The following PAK5 variants were observed in gnomAD, a reference collection of about 807,000 sequenced individuals.
PAK5 encodes the protein serine/threonine-protein kinase PAK 5.
A neutral mutation model predicts 65.9 loss-of-function variants in PAK5; 16 were observed. That is an observed-to-expected ratio of 0.24 (90% CI 0.16 to 0.37). The LOEUF is 0.37. Ranked by LOEUF, PAK5 falls within the 10% of genes least tolerant of loss-of-function variation. The probability of loss-of-function intolerance (pLI) is 1.00; values close to 1 mark genes in which losing one functional copy is unlikely to be tolerated. For missense variants in PAK5, 785 were observed against 903.9 expected, an observed-to-expected ratio of 0.87 and a Z score of 1.69; for synonymous variants, 371 against 354.9, an observed-to-expected ratio of 1.05 and a Z score of -0.51.
At chr20:9,725,461 GA>G (rs751855397) in intron 1 of PAK5, among the ~76,000 whole-genome samples, 2 of 152,016 alleles carry the variant, frequency 1.3e-5, no homozygotes, top group Admixed American at 6.6e-5. Flanking sequence ...AATGGAACAT[GA>G]AAAAACAATT....
chr20:9,765,892 A>G (rs1288388403), intron 1 of PAK5, among the ~76,000 whole-genome samples: 1 of 152,110 alleles, frequency 6.6e-6, no homozygotes, highest in Non-Finnish European at 1.5e-5. Context: ...CTGCAGCACT[A>G]CTCATAACCC....
intron 1 of PAK5, among the ~76,000 whole-genome samples, chr20:9,758,083 T>C (rs1455263025): frequency 2.0e-5 from 3 of 152,210 alleles, no homozygotes; most frequent in Non-Finnish European, 2.9e-5. Flanking sequence ...CTTATTTGGA[T>C]TGCAAGCTTT....
intron 4 of PAK5, 35 bp downstream of exon 4, chr20:9,580,110 T>G (rs1319068048): frequency 6.4e-7 from 1 of 1,556,596 alleles, no homozygotes; most frequent in South Asian, 1.2e-5. Flanking sequence ...TGGAGGTTTT[T>G]GCACACGTGA....
chr20:9,539,716 C>G (rs559074178), intron 9 of PAK5, 99 bp from the exon 10 acceptor site: 274 of 926,268 alleles, frequency 3.0e-4, no homozygotes, highest in Middle Eastern at 6.9e-4. Flanking sequence ...ACTTCAAATT[C>G]CAGAAAGTTA....
intron 3 of PAK5, among the ~76,000 whole-genome samples, chr20:9,628,206 A>G (rs2046873791): frequency 6.6e-6 from 1 of 152,200 alleles, no homozygotes; most frequent in African/African-American, 2.4e-5. Context: ...CTCCAGCCCT[A>G]TGAGGTAGTA....
At chr20:9,574,918 C>G (rs977299148) in intron 4 of PAK5, among the ~76,000 whole-genome samples, 1 of 152,190 alleles carries the variant, frequency 6.6e-6, no homozygotes, top group Non-Finnish European at 1.5e-5. Flanking sequence ...ACCCATTAAA[C>G]CCTGAATGGA....
At chr20:9,832,100 C>T (rs1013713462) in intron 1 of PAK5, among the ~76,000 whole-genome samples, 13 of 151,646 alleles carry the variant, frequency 8.6e-5, no homozygotes, top group African/African-American at 3.2e-4. Flanking sequence ...ATACCTTTAC[C>T]AAGCTCCCAA....
intron 2 of PAK5, among the ~76,000 whole-genome samples, chr20:9,698,282 G>C (rs1205585224): frequency 1.3e-5 from 2 of 152,050 alleles, no homozygotes; most frequent in African/African-American, 4.8e-5. Context: ...AAGTAGTTCA[G>C]GGTGGTAGAT....
chr20:9,634,512 C>T (rs777671404), intron 3 of PAK5, among the ~76,000 whole-genome samples: 7 of 152,092 alleles, frequency 4.6e-5, no homozygotes, highest in Non-Finnish European at 1.0e-4. Context: ...AAAGTTGGTT[C>T]TTATTAGTGG....
chr20:9,544,099 G>A (rs528480843), intron 8 of PAK5, among the ~76,000 whole-genome samples: 1 of 152,268 alleles, frequency 6.6e-6, no homozygotes, highest in East Asian at 1.9e-4. Flanking sequence ...TACTGAGAGT[G>A]GGATCAGAGT....
intron 2 of PAK5, among the ~76,000 whole-genome samples, chr20:9,674,114 C>G (rs1201752388): frequency 6.6e-6 from 1 of 152,142 alleles, no homozygotes; most frequent in Non-Finnish European, 1.5e-5. Context: ...AGAAAAGCCC[C>G]AAAAGCCAGG....
chr20:9,793,128 C>T (rs566365069), intron 1 of PAK5, among the ~76,000 whole-genome samples: 6 of 152,210 alleles, frequency 3.9e-5, no homozygotes, highest in African/African-American at 1.4e-4. Flanking sequence ...ACTGGTCACT[C>T]CCTCTACCTC....
intron 1 of PAK5, among the ~76,000 whole-genome samples, chr20:9,837,854 T>C (rs1432408757): frequency 1.3e-5 from 2 of 152,222 alleles, no homozygotes; most frequent in Non-Finnish European, 2.9e-5. Context: ...CCAACTTTTC[T>C]TTTTGTTTAT....
intron 7 of PAK5, among the ~76,000 whole-genome samples, chr20:9,547,175 G>A (rs967995845): frequency 6.6e-6 from 1 of 152,138 alleles, no homozygotes; most frequent in African/African-American, 2.4e-5. Flanking sequence ...AAGCAACACT[G>A]AGGATTGCCA....
At chr20:9,815,616 T>C (rs2049347898) in intron 1 of PAK5, among the ~76,000 whole-genome samples, 1 of 152,124 alleles carries the variant, frequency 6.6e-6, no homozygotes, top group Non-Finnish European at 1.5e-5. Context: ...ATTCTCTGTG[T>C]TCTGAATTTT....
chr20:9,654,498 C>G (rs531094233), intron 2 of PAK5, among the ~76,000 whole-genome samples: 7 of 152,336 alleles, frequency 4.6e-5, no homozygotes, highest in Non-Finnish European at 8.8e-5. Flanking sequence ...TCATTTCTCT[C>G]TCAGGCTACT....
At chr20:9,756,774 G>A (rs1047465886) in intron 1 of PAK5, among the ~76,000 whole-genome samples, 1 of 151,930 alleles carries the variant, frequency 6.6e-6, no homozygotes, top group Non-Finnish European at 1.5e-5. Context: ...TTTGGACAGT[G>A]CTGAACTAAG....
chr20:9,797,498 G>C (rs2049117958), intron 1 of PAK5, among the ~76,000 whole-genome samples: 1 of 132,730 alleles, frequency 7.5e-6, no homozygotes, highest in Non-Finnish European at 1.6e-5. Context: ...GCCTGTTGTG[G>C]GGTGGGGGGA....
At position 9,590,619 on chromosome 20, in the gene PAK5, C is replaced by CAAA. The variant is rs71184146; in HGVS notation, c.205-9692_205-9690dup. 4.7e-4 allele frequency among the ~76,000 whole-genome samples: 61 copies of CAAA among 130,336 alleles called. 1 individual carries two copies. Among genetic ancestry groups the CAAA allele is most frequent in the African/African-American group, 1.4e-3 (55 of 39,010 alleles). 85.5% of individuals were successfully genotyped at this position (130,336 alleles called of 152,430 possible). On this transcript the variant is annotated intron_variant, in intron 3 of 9. Transcript: ENST00000353224. ...CTAGTATTTGATTCATGGGCTGTGCCAAAAAAAAAAAAAAAAGAAATAAGC... is the reference window on the plus strand; with the variant it reads ...CTAGTATTTGATTCATGGGCTGTGCCAAAAAAAAAAAAAAAAAAAGAAATAAGC...
Sources: gnomAD v4.1 joint callset for allele counts (sites outside exome capture counted in the v4.1 genomes callset) on GRCh38, gnomAD v4.1.1 for gene constraint, MANE v1.5 for transcripts, NCBI Gene and HGNC (gene_info 2026-07-23, HGNC 2026-07-21) for gene names.